Variants in SMIM35 observed in about 807,000 individuals in gnomAD.
SMIM35 encodes the protein TMPRSS4 antisense RNA 1 (non-protein coding).
At chr11:118,007,188 G>C (rs1197653610) in intron 4 of SMIM35, among the ~76,000 whole-genome samples, 1 of 151,912 alleles carries the variant, frequency 6.6e-6, no homozygotes, top group Non-Finnish European at 1.5e-5. Flanking sequence ...AAAGATGTCA[G>C]AGTAGCTGCC....
At chr11:118,071,310 G>A (rs1312458692) in intron 1 of SMIM35, among the ~76,000 whole-genome samples, 3 of 152,180 alleles carry the variant, frequency 2.0e-5, no homozygotes, top group Non-Finnish European at 2.9e-5. Flanking sequence ...ATTTTCAATT[G>A]CCTCGATTCT....
chr11:118,022,032 C>CTTT (rs761119844), intron 1 of SMIM35, among the ~76,000 whole-genome samples: 5,849 of 120,548 alleles, frequency 0.049, 315 homozygotes, highest in East Asian at 0.26. Context: ...AACAATAAGT[C>CTTT]TTTTTTTTTT....
intron 1 of SMIM35, among the ~76,000 whole-genome samples, chr11:118,054,175 TTG>T (rs1944272164): frequency 3.3e-5 from 5 of 151,906 alleles, no homozygotes; most frequent in Admixed American, 1.3e-4. Flanking sequence ...TTTTGTTTTT[TTG>T]TTTGTTCTTG....
At chr11:118,065,728 T>C (rs991682269) in intron 1 of SMIM35, among the ~76,000 whole-genome samples, 6 of 152,218 alleles carry the variant, frequency 3.9e-5, no homozygotes, top group Admixed American at 1.3e-4. Context: ...CAGAAAATTC[T>C]GTACCCAGTC....
intron 4 of SMIM35, among the ~76,000 whole-genome samples, chr11:118,007,544 C>A (rs551497677): frequency 1.2e-4 from 19 of 152,218 alleles, no homozygotes; most frequent in African/African-American, 4.3e-4. Context: ...TACAGTCAGG[C>A]ACCACCATGC....
At chr11:118,080,773 C>T (rs773800227) in intron 1 of SMIM35, among the ~76,000 whole-genome samples, 37 of 152,292 alleles carry the variant, frequency 2.4e-4, no homozygotes, top group Admixed American at 5.2e-4. Flanking sequence ...GCCCCAGAAA[C>T]GCCCCAGGGC....
chr11:118,077,758 T>TC (rs1015534452), intron 1 of SMIM35, among the ~76,000 whole-genome samples: 2 of 151,446 alleles, frequency 1.3e-5, no homozygotes, highest in African/African-American at 4.9e-5. Flanking sequence ...ACGCCTGTAG[T>TC]CCCAGCACTT....
intron 1 of SMIM35, among the ~76,000 whole-genome samples, chr11:118,020,142 G>C (rs4630330): frequency 6.6e-6 from 1 of 152,060 alleles, no homozygotes; most frequent in East Asian, 1.9e-4. Context: ...AGCGGGCAAA[G>C]GTAATCCCAG....
Position 118,004,505 on chromosome 11 carries a change from T to C in SMIM35, c.*1905A>G, listed in dbSNP as rs2058112209. 4 of 152,106 alleles carry C rather than the reference T, an allele frequency of 2.6e-5. No individual in the cohort carries two copies. The highest frequency in any genetic ancestry group is 1.9e-4 in the East Asian group (1 of 5,178). 9.4% of individuals were successfully genotyped at this position (152,106 alleles called of 1,614,324 possible). ...CAGAGGTGTGGAGGGAGAGGGGAGATGATGAGTTCTGGCTTAATAATGACA... is the reference window on the plus strand; with the variant it reads ...CAGAGGTGTGGAGGGAGAGGGGAGACGATGAGTTCTGGCTTAATAATGACA... On this transcript the variant is annotated 3_prime_UTR_variant, in exon 5 of 5. Transcript: ENST00000689828.
At chr11:118,027,654 C>A (rs2058285454) in intron 1 of SMIM35, among the ~76,000 whole-genome samples, 1 of 152,220 alleles carries the variant, frequency 6.6e-6, no homozygotes, top group Non-Finnish European at 1.5e-5. Context: ...AGTTAGATAA[C>A]CATATCAACT....
intron 1 of SMIM35, among the ~76,000 whole-genome samples, chr11:118,045,330 G>GCACACACACA (rs34102097): frequency 0.23 from 33,090 of 145,870 alleles, 4,340 homozygotes; most frequent in Non-Finnish European, 0.31. Flanking sequence ...ATACACACAT[G>GCACACACACA]CACACACACA....
intron 1 of SMIM35, among the ~76,000 whole-genome samples, chr11:118,036,244 A>G (rs1016781453): frequency 6.6e-6 from 1 of 152,228 alleles, no homozygotes; most frequent in African/African-American, 2.4e-5. Flanking sequence ...TGACCCTTAC[A>G]GATCTAGATA....
intron 1 of SMIM35, among the ~76,000 whole-genome samples, chr11:118,074,114 T>G (rs538614228): frequency 1.2e-4 from 18 of 152,292 alleles, no homozygotes; most frequent in African/African-American, 4.3e-4. Context: ...CAAAGAAATA[T>G]TCAGCAAAAT....
chr11:118,033,285 CTT>C (rs958818682), intron 1 of SMIM35, among the ~76,000 whole-genome samples: 5 of 152,198 alleles, frequency 3.3e-5, no homozygotes, highest in African/African-American at 4.8e-5. Context: ...AGAAAAGCCT[CTT>C]GTTTATTAAT....
intron 1 of SMIM35, among the ~76,000 whole-genome samples, chr11:118,042,068 A>AAAAGAGAGAGAGAG (rs1555073518): frequency 8.5e-6 from 1 of 117,860 alleles, no homozygotes; most frequent in African/African-American, 3.3e-5. Context: ...AAAAAAAAAA[A>AAAAGAGAGAGAGAG]AGAGAGAGAG....
intron 4 of SMIM35, among the ~76,000 whole-genome samples, chr11:118,011,295 T>C (rs1416531432): frequency 6.6e-6 from 1 of 152,152 alleles, no homozygotes; most frequent in Non-Finnish European, 1.5e-5. Flanking sequence ...CCTTTCAAGA[T>C]TCCCCAAGGC....
intron 1 of SMIM35, among the ~76,000 whole-genome samples, chr11:118,070,368 G>A (rs192424164): frequency 1.6e-3 from 242 of 152,200 alleles, no homozygotes; most frequent in Middle Eastern, 3.4e-3. Flanking sequence ...GTAGAGACGG[G>A]GTTTCACCCT....
At chr11:118,065,285 G>A (rs1944455072) in intron 1 of SMIM35, among the ~76,000 whole-genome samples, 1 of 152,178 alleles carries the variant, frequency 6.6e-6, no homozygotes, top group Non-Finnish European at 1.5e-5. Context: ...ACCGTGAAGA[G>A]GTAGCCTTGT....
Position 118,048,582 on chromosome 11 carries a change from G to GAAGC in SMIM35, c.8-32774_8-32773insGCTT, listed in dbSNP as rs1944145734. On this transcript the variant is annotated intron_variant, in intron 1 of 4. Coordinates refer to ENST00000689828, the MANE Select transcript of SMIM35 (RefSeq NM_001394165.1). Reference sequence around the variant, plus strand: ...GGAAGGAAGGAAGGAAGGAAGGAAGGAAGGAAGGAAGGAAGCAAGGAAGCA... The same window carrying GAAGC: ...GGAAGGAAGGAAGGAAGGAAGGAAGGAAGCAAGGAAGGAAGGAAGCAAGGAAGCA... 1.1e-4 allele frequency among the ~76,000 whole-genome samples: 10 copies of GAAGC among 88,624 alleles called. No homozygotes were observed. In the South Asian group the frequency reaches 2.5e-3, roughly 22 times the overall value. 58.1% of individuals were successfully genotyped at this position (88,624 alleles called of 152,430 possible).
Sources: allele counts gnomAD v4.1 joint callset (sites outside exome capture counted in the v4.1 genomes callset), GRCh38; gene constraint gnomAD v4.1.1; transcripts MANE v1.5; gene names NCBI Gene and HGNC (gene_info 2026-07-23, HGNC 2026-07-21).